The following ARHGAP11B variants were observed in gnomAD, a reference collection of about 807,000 sequenced individuals.
ARHGAP11B encodes the protein inactive Rho GTPase-activating protein 11B.
ARHGAP11B carries 14 observed loss-of-function variants against 27.6 expected under a neutral mutation model. The ratio of observed to expected loss-of-function variants is 0.51; its 90% confidence interval spans 0.34 to 0.79. ARHGAP11B has a LOEUF of 0.79. Ranked by LOEUF, ARHGAP11B falls within the 30% of genes least tolerant of loss-of-function variation. The probability of loss-of-function intolerance (pLI) is 0.02; values close to 1 mark genes in which losing one functional copy is unlikely to be tolerated. For missense variants in ARHGAP11B, 245 were observed against 320.1 expected, an observed-to-expected ratio of 0.77 and a Z score of 1.79; for synonymous variants, 82 against 114.1, an observed-to-expected ratio of 0.72 and a Z score of 1.80.
intron 9 of ARHGAP11B, among the ~76,000 whole-genome samples, chr15:30,647,103 C>A (rs1426477274): frequency 6.6e-6 from 1 of 151,950 alleles, no homozygotes; most frequent in Non-Finnish European, 1.5e-5. Context: ...TGCAAGGTTT[C>A]TGCTGTGACA....
chr15:30,646,370 A>T (rs952551478), intron 9 of ARHGAP11B: 1 of 273,870 alleles, frequency 3.7e-6, no homozygotes, highest in East Asian at 1.5e-4. Flanking sequence ...TAAAATAGCA[A>T]TTTGATTTAA....
intron 9 of ARHGAP11B, chr15:30,647,518 C>G (rs1214827212): frequency 1.2e-5 from 2 of 162,712 alleles, no homozygotes; most frequent in Non-Finnish European, 2.9e-5. Flanking sequence ...ATACAAGTGC[C>G]TTTGTAATTT....
chr15:30,627,524 A>C, intron 1 of ARHGAP11B, among the ~76,000 whole-genome samples: 1 of 152,076 alleles, frequency 6.6e-6, no homozygotes, highest in East Asian at 1.9e-4. Context: ...TAATTTGGGA[A>C]ACAGATTTGC....
intron 7 of ARHGAP11B, among the ~76,000 whole-genome samples, chr15:30,642,495 G>A (rs868730082): frequency 2.0e-4 from 31 of 152,096 alleles, no homozygotes; most frequent in African/African-American, 6.3e-4. Context: ...CAGGAGTCAG[G>A]TGGGTAGCAG....
intron 2 of ARHGAP11B, among the ~76,000 whole-genome samples, chr15:30,631,689 A>G (rs1202677710): frequency 1.3e-5 from 2 of 152,242 alleles, no homozygotes; most frequent in Non-Finnish European, 2.9e-5. Flanking sequence ...TATTGGATAA[A>G]AGAATATTTA....
At chr15:30,630,188 G>T (rs1264445677) in intron 1 of ARHGAP11B, among the ~76,000 whole-genome samples, 1 of 152,056 alleles carries the variant, frequency 6.6e-6, no homozygotes, top group Non-Finnish European at 1.5e-5. Context: ...AATGTATTAG[G>T]TATAAAAATA....
intron 6 of ARHGAP11B, among the ~76,000 whole-genome samples, chr15:30,636,215 G>T (rs1333071063): frequency 6.6e-6 from 1 of 151,988 alleles, no homozygotes; most frequent in Non-Finnish European, 1.5e-5. Flanking sequence ...GAAGAATTGA[G>T]ACTTGGAAGT....
At chr15:30,642,017 G>A (rs115779000) in intron 7 of ARHGAP11B, among the ~76,000 whole-genome samples, 1,866 of 152,090 alleles carry the variant, frequency 0.012, 48 homozygotes, top group African/African-American at 0.043. Context: ...TGCCTGGCTG[G>A]ACACATTTTT....
intron 8 of ARHGAP11B, among the ~76,000 whole-genome samples, chr15:30,645,810 G>T (rs1031445575): frequency 3.3e-5 from 5 of 152,004 alleles, no homozygotes; most frequent in African/African-American, 1.2e-4. Context: ...TTTTACTTCA[G>T]TCGTATTCAA....
intron 1 of ARHGAP11B, among the ~76,000 whole-genome samples, chr15:30,629,070 T>G (rs2060227486): frequency 6.6e-6 from 1 of 152,058 alleles, no homozygotes; most frequent in African/African-American, 2.4e-5. Flanking sequence ...ATCATAAGAT[T>G]AACAAATATT....
chr15:30,637,598 G>A (rs1162683359), intron 6 of ARHGAP11B, among the ~76,000 whole-genome samples: 1 of 151,918 alleles, frequency 6.6e-6, no homozygotes, highest in Non-Finnish European at 1.5e-5. Context: ...GCTGGGCGTG[G>A]TGGCGGGCGC....
At chr15:30,642,725 G>C (rs1256925036) in intron 7 of ARHGAP11B, among the ~76,000 whole-genome samples, 2 of 151,930 alleles carry the variant, frequency 1.3e-5, no homozygotes, top group African/African-American at 4.8e-5. Context: ...TCTTTTTCCA[G>C]TCTGCAATGG....
chr15:30,636,600 G>A (rs1258787410), intron 6 of ARHGAP11B, among the ~76,000 whole-genome samples: 1 of 152,052 alleles, frequency 6.6e-6, no homozygotes, highest in African/African-American at 2.4e-5. Context: ...ACTTATGTAT[G>A]ATTTTCCTAG....
rs539088394 is a variant in ARHGAP11B, at chr15:30,637,590, T to C, written c.*4-1156T>C. ...TCTACTAAGAATATAAAAAATTAGCTGGGCGTGGTGGCGGGCGCCTGTAGT... is the reference window on the plus strand; with the variant it reads ...TCTACTAAGAATATAAAAAATTAGCCGGGCGTGGTGGCGGGCGCCTGTAGT... On this transcript the variant is annotated intron_variant, in intron 6 of 10. Coordinates refer to ENST00000428041, the Ensembl canonical transcript of ARHGAP11B. Among the ~76,000 whole-genome samples the C allele has an allele frequency of 2.0e-3, 306 of 151,872 alleles. 2 individuals carry two copies. Among genetic ancestry groups the C allele is most frequent in the African/African-American group, 7.0e-3 (291 of 41,466 alleles).
In ARHGAP11B at chr15:30,646,873, G is replaced by T. The variant is rs1280445457; in HGVS notation, c.*324+578G>T. ...AATCCTAGCTACTGGCGAGGCTGAG[G>T]CAGGAGAATCACTTGAACCTGGGAG... On this transcript the variant is annotated intron_variant, in intron 9 of 10. Coordinates refer to ENST00000428041, the Ensembl canonical transcript of ARHGAP11B. 1.1e-4 allele frequency among the ~76,000 whole-genome samples: 16 copies of T among 151,796 alleles called. No individual in the cohort carries two copies. In the East Asian group the frequency reaches 2.5e-3, roughly 24 times the overall value.
exon 7 of ARHGAP11B, chr15:30,638,764 TA>T: frequency 6.7e-7 from 1 of 1,491,356 alleles, no homozygotes; most frequent in South Asian, 1.3e-5. Context: ...AGTGGAGCAC[TA>T]AATAAATTTA....
chr15:30,647,899 C>T lies in ARHGAP11B; in HGVS notation c.*371+185C>T, dbSNP rs139853565. On this transcript the variant is annotated intron_variant, in intron 10 of 10. Transcript: ENST00000428041. Reference sequence around the variant, plus strand: ...AAATTTTAGAATATTTAAAAATAACCCTTCTCCTAATATACAATTCTGGGA... The same window carrying T: ...AAATTTTAGAATATTTAAAAATAACTCTTCTCCTAATATACAATTCTGGGA... 4.4e-3 allele frequency among the ~76,000 whole-genome samples: 666 copies of T among 151,866 alleles called. 13 individuals carry two copies. Among genetic ancestry groups the T allele is most frequent in the Admixed American group, 0.029 (447 of 15,246 alleles).
At chr15:30,628,256 A>G (rs1242883607) in intron 1 of ARHGAP11B, among the ~76,000 whole-genome samples, 1 of 151,162 alleles carries the variant, frequency 6.6e-6, no homozygotes, top group Non-Finnish European at 1.5e-5. Flanking sequence ...AATTTTTTGT[A>G]TTTTTTAGTA....
intron 6 of ARHGAP11B, among the ~76,000 whole-genome samples, chr15:30,636,249 G>A (rs554749699): frequency 6.6e-6 from 1 of 152,160 alleles, no homozygotes; most frequent in Admixed American, 6.5e-5. Context: ...AGCAATGTGT[G>A]TCAGTAGTCC....
Sources: gnomAD v4.1 joint callset for allele counts (sites outside exome capture counted in the v4.1 genomes callset) on GRCh38, gnomAD v4.1.1 for gene constraint, MANE v1.5 for transcripts, NCBI Gene and HGNC (gene_info 2026-07-23, HGNC 2026-07-21) for gene names.